PCDH9: variants seen among roughly 807,000 people sequenced by gnomAD.
The protein encoded by PCDH9 is protocadherin-9.
Under a neutral mutation model 70.6 loss-of-function variants are expected in PCDH9, and 24 were observed. That is an observed-to-expected ratio of 0.34 (90% CI 0.25 to 0.48). The LOEUF (loss-of-function observed/expected upper bound fraction) is 0.48. Ranked by LOEUF, PCDH9 falls within the 20% of genes least tolerant of loss-of-function variation. The pLI, the probability that PCDH9 is intolerant of heterozygous loss-of-function variation, is 0.99. For missense variants in PCDH9, 1,281 were observed against 1,503.6 expected (o/e 0.85, Z 2.45); for synonymous variants, 562 against 558.5 (o/e 1.01, Z -0.09).
intron 2 of PCDH9, among the ~76,000 whole-genome samples, chr13:67,054,251 C>T (rs2085377108): frequency 6.6e-6 from 1 of 152,182 alleles, no homozygotes; most frequent in Non-Finnish European, 1.5e-5. Flanking sequence ...AACACCCGCT[C>T]TTTTGAAATT....
chr13:66,876,543 T>C (rs997162025), intron 3 of PCDH9, among the ~76,000 whole-genome samples: 54 of 152,178 alleles, frequency 3.5e-4, no homozygotes, highest in African/African-American at 1.3e-3. Context: ...AGGAAATGCC[T>C]GTTTATCCAA....
intron 2 of PCDH9, chr13:67,219,753 C>T (rs1284469281): frequency 6.6e-6 from 1 of 151,786 alleles, no homozygotes; most frequent in African/African-American, 2.4e-5. Context: ...AAGGCCAAAC[C>T]TTTAAAAATC....
chr13:66,738,735 G>T (rs1204924547), intron 3 of PCDH9, among the ~76,000 whole-genome samples: 1 of 151,384 alleles, frequency 6.6e-6, no homozygotes, highest in Non-Finnish European at 1.5e-5. Flanking sequence ...TGGAAGACAG[G>T]GTATCAGCAA....
chr13:67,008,811 G>A (rs890836707), intron 2 of PCDH9, among the ~76,000 whole-genome samples: 3 of 151,784 alleles, frequency 2.0e-5, no homozygotes, highest in Non-Finnish European at 2.9e-5. Context: ...TTGCCTATCC[G>A]CTTCTAATCT....
intron 3 of PCDH9, among the ~76,000 whole-genome samples, chr13:66,723,564 G>A (rs553037629): frequency 1.3e-5 from 2 of 152,268 alleles, no homozygotes; most frequent in African/African-American, 4.8e-5. Flanking sequence ...CATTGACTGT[G>A]GTTTAAGGCA....
chr13:67,229,795 C>A lies in PCDH9; in HGVS notation c.-151G>T, dbSNP rs1257926434. ...TTACACTTACGTTAGTTGCCTCAAC[C>A]TTTCCCCTTTCCCAGTATGCTGCAG... On this transcript the variant is annotated 5_prime_UTR_variant, in exon 1 of 5. In the 5' UTR this introduces an upstream ATG that the reference lacks. Transcript: ENST00000377865. 3 of 152,248 alleles carry A rather than the reference C, an allele frequency of 2.0e-5. No individual in the cohort carries two copies. The highest frequency in any genetic ancestry group is 2.4e-5 in the African/African-American group (1 of 41,460). The allele number at this position is 152,248 out of a possible 1,614,324, so 9.4% of individuals were successfully genotyped here. A position where few individuals can be genotyped will look rare whatever the true frequency, so the allele number is the denominator to read the frequency against.
intron 4 of PCDH9, among the ~76,000 whole-genome samples, chr13:66,411,790 A>G (rs531990907): frequency 2.6e-5 from 4 of 152,332 alleles, no homozygotes; most frequent in South Asian, 4.2e-4. Context: ...TTTACTATGT[A>G]AAGTCAACCT....
At chr13:66,541,700 C>G (rs1219764616) in intron 4 of PCDH9, among the ~76,000 whole-genome samples, 1 of 152,138 alleles carries the variant, frequency 6.6e-6, no homozygotes, top group African/African-American at 2.4e-5. Context: ...TCATCTTAAC[C>G]AATTACTTCT....
chr13:66,409,143 C>T (rs1157703650), intron 4 of PCDH9, among the ~76,000 whole-genome samples: 2 of 151,524 alleles, frequency 1.3e-5, no homozygotes, highest in Non-Finnish European at 2.9e-5. Context: ...GAATTCCATA[C>T]AGACTTTGAG....
intron 2 of PCDH9, among the ~76,000 whole-genome samples, chr13:67,031,625 G>A (rs1185356680): frequency 6.6e-6 from 1 of 152,224 alleles, no homozygotes; most frequent in African/African-American, 2.4e-5. Context: ...GGAGGTTGCA[G>A]TGAGCTGAGA....
chr13:66,859,527 G>GA (rs2081447462), intron 3 of PCDH9, among the ~76,000 whole-genome samples: 1 of 152,174 alleles, frequency 6.6e-6, no homozygotes, highest in Non-Finnish European at 1.5e-5. Flanking sequence ...CACAGGAAAA[G>GA]AAAGTCTGCA....
intron 2 of PCDH9, among the ~76,000 whole-genome samples, chr13:67,039,866 C>T (rs972195788): frequency 7.2e-5 from 11 of 152,098 alleles, no homozygotes; most frequent in African/African-American, 2.7e-4. Context: ...GAAGTGGGTG[C>T]AGTCTTGTGA....
At chr13:66,382,242 T>A (rs1956861582) in intron 4 of PCDH9, among the ~76,000 whole-genome samples, 1 of 152,222 alleles carries the variant, frequency 6.6e-6, no homozygotes, top group African/African-American at 2.4e-5. Flanking sequence ...AAAATGACCC[T>A]AATTCAAATC....
intron 3 of PCDH9, among the ~76,000 whole-genome samples, chr13:66,674,424 T>TA (rs5804289): frequency 1.6e-4 from 24 of 151,830 alleles, no homozygotes; most frequent in Admixed American, 1.3e-4. Context: ...TGTATTGTGT[T>TA]AAAAAAAATT....
chr13:66,399,204 A>C (rs1957149742), intron 4 of PCDH9, among the ~76,000 whole-genome samples: 1 of 152,152 alleles, frequency 6.6e-6, no homozygotes, highest in East Asian at 1.9e-4. Context: ...TAAGTATTCA[A>C]TTATCTTTCT....
chr13:66,587,998 C>G (rs1006420709), intron 4 of PCDH9, among the ~76,000 whole-genome samples: 1 of 152,028 alleles, frequency 6.6e-6, no homozygotes, highest in Non-Finnish European at 1.5e-5. Flanking sequence ...CTCCCTCTTG[C>G]AGCTATCTTG....
At chr13:66,931,842 C>A (rs777614412) in intron 2 of PCDH9, among the ~76,000 whole-genome samples, 2 of 151,920 alleles carry the variant, frequency 1.3e-5, no homozygotes, top group African/African-American at 2.4e-5. Flanking sequence ...CCAATCAGCA[C>A]CCCCCGACAC....
intron 2 of PCDH9, among the ~76,000 whole-genome samples, chr13:67,086,653 A>G (rs1201673816): frequency 6.6e-6 from 1 of 152,206 alleles, no homozygotes; most frequent in Non-Finnish European, 1.5e-5. Context: ...TCAAGAGACT[A>G]GATCTGTAGC....
At chr13:67,196,687 T>C (rs2089073754) in intron 2 of PCDH9, among the ~76,000 whole-genome samples, 1 of 152,072 alleles carries the variant, frequency 6.6e-6, no homozygotes, top group Non-Finnish European at 1.5e-5. Flanking sequence ...AATGTTTCAT[T>C]CGTTGTCCTT....
Sources: gnomAD v4.1 joint callset for allele counts (sites outside exome capture counted in the v4.1 genomes callset) on GRCh38, gnomAD v4.1.1 for gene constraint, MANE v1.5 for transcripts, NCBI Gene and HGNC (gene_info 2026-07-23, HGNC 2026-07-21) for gene names.